The following CIITA variants were observed in gnomAD, a reference collection of about 807,000 sequenced individuals.
CIITA encodes class II major histocompatibility complex transactivator, also known as MHC class II transactivator.
In CIITA, 72 loss-of-function variants were observed where a neutral mutation model predicts 115.1. That is an observed-to-expected ratio of 0.63 (90% CI 0.52 to 0.76). The LOEUF (loss-of-function observed/expected upper bound fraction) is 0.76. CIITA is among the 30% of genes least tolerant of loss of function. The probability of loss-of-function intolerance (pLI) is 0.00; values close to 1 mark genes in which losing one functional copy is unlikely to be tolerated. For synonymous variants in CIITA, 763 were observed against 635.6 expected (o/e 1.20, Z -3.02); for missense variants, 1,617 against 1,463.8 (o/e 1.10, Z -1.71).
intron 1 of CIITA, among the ~76,000 whole-genome samples, chr16:10,878,360 G>C (rs924232460): frequency 3.3e-5 from 5 of 152,104 alleles, no homozygotes; most frequent in Non-Finnish European, 2.9e-5. Flanking sequence ...AGGAAATTCA[G>C]GCCTGAAAAG....
intron 1 of CIITA, among the ~76,000 whole-genome samples, chr16:10,870,464 G>T (rs377296783): frequency 6.6e-6 from 1 of 152,226 alleles, no homozygotes; most frequent in Non-Finnish European, 1.5e-5. Flanking sequence ...TTGCCCTGGA[G>T]GAACTCAGGT....
chr16:10,884,847 C>T (rs1050746736), intron 1 of CIITA, among the ~76,000 whole-genome samples: 1 of 152,068 alleles, frequency 6.6e-6, no homozygotes, highest in Non-Finnish European at 1.5e-5. Context: ...GTACCCAGGG[C>T]CAGTCCCCTC....
intron 7 of CIITA, among the ~76,000 whole-genome samples, chr16:10,902,413 T>A (rs968345265): frequency 6.6e-6 from 1 of 152,102 alleles, no homozygotes; most frequent in African/African-American, 2.4e-5. Context: ...CAGGAGGGAA[T>A]CTCCACCAAT....
rs1160590921 is a variant in CIITA at position 10,923,552 on chromosome 16, AGGAAAGTT to A, written c.*22+230_*22+237del. Among the ~76,000 whole-genome samples, 1 of 152,138 alleles carries A rather than the reference AGGAAAGTT, an allele frequency of 6.6e-6. No individual in the cohort carries two copies. Among genetic ancestry groups the A allele is most frequent in the Non-Finnish European group, 1.5e-5 (1 of 68,008 alleles). ...TGGTCAGGCTTAGAGATCAGGGGAC[AGGAAAGTT>A]GGCCATCCACATCCCACAGCCTCAG... On this transcript the variant is annotated intron_variant, in intron 19 of 19. Coordinates refer to ENST00000324288, the MANE Select transcript of CIITA (RefSeq NM_000246.4). The surrounding 1 kb of genome is among the most constrained non-coding windows in gnomAD (Gnocchi z 5.2).
chr16:10,897,831 C>A (rs1274842276), intron 3 of CIITA, among the ~76,000 whole-genome samples: 1 of 152,206 alleles, frequency 6.6e-6, no homozygotes. Context: ...TCATTTTCAT[C>A]ACCTTCATTA....
intron 1 of CIITA, among the ~76,000 whole-genome samples, chr16:10,889,655 G>T (rs756140705): frequency 3.9e-5 from 6 of 152,026 alleles, no homozygotes; most frequent in African/African-American, 1.4e-4. Context: ...AAGTAGCTGG[G>T]ATTACAGAAG....
chr16:10,900,611 A>ACT (rs2038635791), intron 5 of CIITA, among the ~76,000 whole-genome samples: 1 of 151,998 alleles, frequency 6.6e-6, no homozygotes, highest in East Asian at 1.9e-4. Flanking sequence ...GTGGTGGCGA[A>ACT]CACCTGTAAT....
chr16:10,906,384 A>AACAT, intron 10 of CIITA, 115 bp from the exon 11 acceptor site: 6 of 1,293,788 alleles, frequency 4.6e-6, no homozygotes, highest in Non-Finnish European at 6.5e-6. Flanking sequence ...CAAACAAACA[A>AACAT]AAAAACTGTG....
At chr16:10,897,746 G>A (rs1326776649) in intron 3 of CIITA, among the ~76,000 whole-genome samples, 2 of 152,184 alleles carry the variant, frequency 1.3e-5, no homozygotes, top group African/African-American at 2.4e-5. Flanking sequence ...TTTGCACAGA[G>A]TAAGCATTCA....
At chr16:10,910,283 T>C in intron 13 of CIITA, 24 bp downstream of exon 13, 1 of 1,607,696 alleles carries the variant, frequency 6.2e-7, no homozygotes, top group Non-Finnish European at 8.5e-7. Flanking sequence ...TGGATTGTCT[T>C]GTGGGTCTGC....
At chr16:10,866,601 G>A in intron 1 of CIITA, 1 of 497,870 alleles carries the variant, frequency 2.0e-6, no homozygotes, top group South Asian at 1.5e-5. Context: ...TAATCAAGGA[G>A]AAATGACAGA....
chr16:10,925,268 T>C lies in CIITA; in HGVS notation c.*1413T>C, dbSNP rs908748227. On this transcript the variant is annotated 3_prime_UTR_variant, in exon 20 of 20. Transcript: ENST00000324288. The stretch of plus-strand genomic sequence containing the variant: ...GGAGGGGATAGAGAGAGACCACTTT[T>C]CATAACCTAGCCTTAGAAGTCACAC... The C allele has an allele frequency of 6.6e-5, 10 of 152,214 alleles. No homozygotes were observed. The highest frequency in any genetic ancestry group is 2.4e-4 in the African/African-American group (10 of 41,444). 9.4% of individuals were successfully genotyped at this position (152,214 alleles called of 1,614,324 possible). A position where few individuals can be genotyped will look rare whatever the true frequency, so the allele number is the denominator to read the frequency against.
intron 1 of CIITA, among the ~76,000 whole-genome samples, chr16:10,885,420 C>T (rs933967154): frequency 6.6e-5 from 10 of 152,224 alleles, no homozygotes; most frequent in Admixed American, 6.5e-4. Flanking sequence ...GATCCTGCAA[C>T]TGTTTCCAGG....
intron 13 of CIITA, among the ~76,000 whole-genome samples, chr16:10,911,393 TCC>T (rs771277939): frequency 2.0e-5 from 2 of 101,330 alleles, no homozygotes; most frequent in Non-Finnish European, 4.5e-5. Context: ...TCTCTCTCTC[TCC>T]CTTCCTTCCT....
At position 10,879,741 on chromosome 16, in the gene CIITA, C is replaced by T. The variant is rs1485085121; in HGVS notation, c.52+2359C>T. ...CCTCTAAGGAGAGAGGCTAAAGCGC[C>T]CCGGAAAGCCAGCGTGCGAATGCCG... On this transcript the variant is annotated intron_variant, in intron 1 of 19. Coordinates refer to ENST00000324288, the MANE Select transcript of CIITA (RefSeq NM_000246.4). This position sits in a 1 kb window ranked among gnomAD's most constrained non-coding sequence, Gnocchi z 4.3. 6.6e-6 allele frequency among the ~76,000 whole-genome samples: 1 copy of T among 152,126 alleles called. No homozygotes were observed. Among genetic ancestry groups the T allele is most frequent in the Admixed American group, 6.5e-5 (1 of 15,278 alleles).
Position 10,926,001 on chromosome 16 carries a change from C to T in CIITA, c.*2146C>T, listed in dbSNP as rs191944777. On this transcript the variant is annotated 3_prime_UTR_variant, in exon 20 of 20. Coordinates refer to ENST00000324288, the MANE Select transcript of CIITA (RefSeq NM_000246.4). ...CTTTCTACCCAGCGAGCTGCCGGCA[C>T]GACTGTTGCTTTTCACTCGGGCATA... 18 of 152,352 alleles carry T rather than the reference C, an allele frequency of 1.2e-4. No homozygotes were observed. The highest frequency in any genetic ancestry group is 2.6e-4 in the African/African-American group (11 of 41,572). 9.4% of individuals were successfully genotyped at this position (152,352 alleles called of 1,614,324 possible).
chr16:10,886,060 T>TC, intron 1 of CIITA, among the ~76,000 whole-genome samples: 1 of 150,332 alleles, frequency 6.7e-6, no homozygotes. Flanking sequence ...GTTTTGCCTT[T>TC]TTTTTTTTTT....
chr16:10,890,287 C>T (rs1475161896), intron 1 of CIITA, among the ~76,000 whole-genome samples: 4 of 143,460 alleles, frequency 2.8e-5, no homozygotes, highest in Non-Finnish European at 3.1e-5. Context: ...CTGTGGGGGC[C>T]TTTTTTTTTT....
upstream of CIITA, among the ~76,000 whole-genome samples, chr16:10,876,659 C>A (rs2035867729): frequency 2.6e-5 from 4 of 152,290 alleles, no homozygotes; most frequent in South Asian, 8.3e-4. Flanking sequence ...TACAAGGGTA[C>A]CATATTTGGG....
Sources: gnomAD v4.1 joint callset for allele counts (sites outside exome capture counted in the v4.1 genomes callset) on GRCh38, gnomAD v4.1.1 for gene constraint, Gnocchi (gnomAD v3.1) non-coding constraint, MANE v1.5 for transcripts, NCBI Gene and HGNC (gene_info 2026-07-23, HGNC 2026-07-21) for gene names.